CSMD3: variants seen among roughly 807,000 people sequenced by gnomAD.
CSMD3 encodes the protein CUB and sushi domain-containing protein 3.
CSMD3 carries 177 observed loss-of-function variants against 435.2 expected under a neutral mutation model. The ratio of observed to expected loss-of-function variants is 0.41; its 90% CI spans 0.36 to 0.46. The LOEUF is 0.46. Among genes scored for constraint, CSMD3 ranks in the 20% least tolerant of loss-of-function variants. The probability of loss-of-function intolerance (pLI) is 0.34; values close to 1 mark genes in which losing one functional copy is unlikely to be tolerated. For synonymous variants in CSMD3, 1,656 were observed against 1,520.5 expected (o/e 1.09, Z -2.07); for missense variants, 4,265 against 4,504.6 (o/e 0.95, Z 1.52).
chr8:112,929,810 T>C (rs1305581311), intron 9 of CSMD3, among the ~76,000 whole-genome samples: 1 of 152,062 alleles, frequency 6.6e-6, no homozygotes, highest in African/African-American at 2.4e-5. Context: ...ACAATATACA[T>C]ACACTTAAGT....
At chr8:112,722,959 A>G (rs6986681) in intron 13 of CSMD3, among the ~76,000 whole-genome samples, 57,158 of 151,556 alleles carry the variant, frequency 0.38, 12,092 homozygotes, top group African/African-American at 0.58. Flanking sequence ...AGAAACAGAA[A>G]TTAACACTTT....
chr8:112,699,658 T>C (rs891466339), intron 13 of CSMD3, among the ~76,000 whole-genome samples: 3 of 152,198 alleles, frequency 2.0e-5, no homozygotes, highest in Non-Finnish European at 4.4e-5. Flanking sequence ...GCATAGGACG[T>C]ATATTCAGGT....
chr8:112,275,718 G>C (rs1563725141), intron 59 of CSMD3, among the ~76,000 whole-genome samples: 1 of 152,110 alleles, frequency 6.6e-6, no homozygotes, highest in Non-Finnish European at 1.5e-5. Flanking sequence ...CAGATCTTGT[G>C]AGACTTATTC....
chr8:112,712,143 C>T (rs540792198), intron 13 of CSMD3, among the ~76,000 whole-genome samples: 8 of 152,204 alleles, frequency 5.3e-5, no homozygotes, highest in Non-Finnish European at 1.0e-4. Flanking sequence ...AGTGTTGTGC[C>T]ACTCTCATCT....
intron 37 of CSMD3, among the ~76,000 whole-genome samples, chr8:112,382,631 TTTTTA>T (rs1829578993): frequency 6.6e-6 from 1 of 152,194 alleles, no homozygotes; most frequent in Non-Finnish European, 1.5e-5. Context: ...AAAGTAAAAC[TTTTTA>T]TTTTAACTTC....
chr8:112,731,568 C>T (rs1347745073), intron 13 of CSMD3, among the ~76,000 whole-genome samples: 1 of 152,016 alleles, frequency 6.6e-6, no homozygotes, highest in Non-Finnish European at 1.5e-5. Context: ...TTACTGATTA[C>T]AATCTTCTTT....
At chr8:112,674,326 G>T (rs371496522) in intron 16 of CSMD3, among the ~76,000 whole-genome samples, 7 of 152,136 alleles carry the variant, frequency 4.6e-5, no homozygotes, top group African/African-American at 1.7e-4. Context: ...TCCTTTCCTG[G>T]AAGTTATTGC....
At chr8:112,598,316 G>A (rs1474731990) in intron 22 of CSMD3, among the ~76,000 whole-genome samples, 1 of 147,854 alleles carries the variant, frequency 6.8e-6, no homozygotes, top group African/African-American at 2.5e-5. Context: ...TACAAGGGAT[G>A]GGAAGGACCT....
intron 27 of CSMD3, among the ~76,000 whole-genome samples, chr8:112,526,316 T>C (rs1397031078): frequency 6.6e-6 from 1 of 152,068 alleles, no homozygotes; most frequent in South Asian, 2.1e-4. Context: ...CTAGGACTTA[T>C]TGACAATGAT....
At chr8:112,548,388 C>T (rs1827378900) in intron 27 of CSMD3, among the ~76,000 whole-genome samples, 1 of 152,010 alleles carries the variant, frequency 6.6e-6, no homozygotes, top group South Asian at 2.1e-4. Flanking sequence ...TTTCTATTCC[C>T]CCTGGCATAT....
At chr8:112,982,151 G>C (rs182176313) in intron 6 of CSMD3, among the ~76,000 whole-genome samples, 1 of 151,926 alleles carries the variant, frequency 6.6e-6, no homozygotes, top group Non-Finnish European at 1.5e-5. Flanking sequence ...CGTTTTGGAG[G>C]TTTCTCCGAT....
chr8:112,694,156 T>C (rs1052825708), intron 13 of CSMD3, among the ~76,000 whole-genome samples: 1 of 152,026 alleles, frequency 6.6e-6, no homozygotes, highest in Non-Finnish European at 1.5e-5. Context: ...TTAACTCTGT[T>C]TCCTTGGATT....
chr8:112,899,889 T>C (rs1441700982), intron 10 of CSMD3, among the ~76,000 whole-genome samples: 1 of 150,380 alleles, frequency 6.6e-6, no homozygotes, highest in African/African-American at 2.4e-5. Flanking sequence ...TCTGATTAGT[T>C]TTGTCGCTTA....
At chr8:113,424,123 A>G (rs992345155) in intron 1 of CSMD3, among the ~76,000 whole-genome samples, 8 of 151,782 alleles carry the variant, frequency 5.3e-5, no homozygotes, top group Non-Finnish European at 1.0e-4. Flanking sequence ...TGGTACAAAT[A>G]TCAGAATAAC....
intron 27 of CSMD3, among the ~76,000 whole-genome samples, chr8:112,525,942 A>G (rs1824908863): frequency 1.4e-5 from 2 of 142,594 alleles, no homozygotes; most frequent in African/African-American, 5.1e-5. Flanking sequence ...ATATATAAAG[A>G]CCCTTTAACA....
At chr8:112,410,660 A>ATGTATATATATATGTATATATATATG (rs1563913381) in intron 32 of CSMD3, among the ~76,000 whole-genome samples, 2 of 117,666 alleles carry the variant, frequency 1.7e-5, no homozygotes, top group African/African-American at 3.0e-5. Context: ...GTGTATATAT[A>ATGTATATATATATGTATATATATATG]TGTATATATA....
chr8:113,176,908 T>A (rs1184479125), intron 3 of CSMD3, among the ~76,000 whole-genome samples: 1 of 150,470 alleles, frequency 6.6e-6, no homozygotes, highest in Non-Finnish European at 1.5e-5. Flanking sequence ...AAAAAAAAAA[T>A]AAAGTATGTT....
chr8:112,800,096 C>A, intron 13 of CSMD3, 66 bp downstream of exon 13: 2 of 1,084,476 alleles, frequency 1.8e-6, no homozygotes, highest in African/African-American at 3.1e-5. Context: ...TGCAATTAAA[C>A]GTGAATTTAA....
At position 112,336,691 on chromosome 8, in the gene CSMD3, A is replaced by C; in HGVS notation, c.6980T>G (p.Val2327Gly). Residue 2327 changes from valine (V) to glycine (G), a missense_variant, in exon 44 of 71, where the codon GTC (valine) becomes GGC (glycine). Transcript: ENST00000297405. ...ATCATATATTGGTTCTGTTTGAAGG[A>C]CAGTAAAATTGATGTAGATGCCATT... ...PGNGIYINFTVLQTEPIYDFI... is the reference protein window; with the variant it reads ...PGNGIYINFTGLQTEPIYDFI... 6.2e-7 allele frequency: 1 copy of C among 1,612,972 alleles called. No individual in the cohort carries two copies. The highest frequency in any genetic ancestry group is 8.5e-7 in the Non-Finnish European group (1 of 1,179,100).
Sources: allele counts gnomAD v4.1 joint callset (sites outside exome capture counted in the v4.1 genomes callset), GRCh38; gene constraint gnomAD v4.1.1; transcripts MANE v1.5; gene names NCBI Gene and HGNC (gene_info 2026-07-23, HGNC 2026-07-21).